The following PDCL3 variants were observed in gnomAD, a reference collection of about 807,000 sequenced individuals.
The protein encoded by PDCL3 is phosducin like 3.
A neutral mutation model predicts 26.5 loss-of-function variants in PDCL3; 22 were observed. That is an observed-to-expected ratio of 0.83 (90% CI 0.59 to 1.19). The LOEUF (loss-of-function observed/expected upper bound fraction) is 1.19. PDCL3 is among the 50% of genes most tolerant of loss of function. PDCL3 has a pLI of 0.00. For missense variants in PDCL3, 246 were observed against 294.1 expected (o/e 0.84, Z 1.20); for synonymous variants, 81 against 104.9 (o/e 0.77, Z 1.39).
At chr2:100,563,238 G>C (rs1201947114) in intron 1 of PDCL3, 165 bp downstream of exon 1, 1 of 843,222 alleles carries the variant, frequency 1.2e-6, no homozygotes, top group Admixed American at 3.8e-5. Context: ...GGAGGCGGGC[G>C]TGGTCCCACC....
intron 4 of PDCL3, among the ~76,000 whole-genome samples, chr2:100,570,027 A>T (rs938776693): frequency 6.6e-6 from 1 of 152,058 alleles, no homozygotes; most frequent in Non-Finnish European, 1.5e-5. Context: ...GGAGAATGGC[A>T]TGAACCCGGG....
intron 2 of PDCL3, among the ~76,000 whole-genome samples, chr2:100,567,651 G>A (rs1047915016): frequency 2.3e-4 from 35 of 152,084 alleles, no homozygotes; most frequent in Non-Finnish European, 3.2e-4. Flanking sequence ...TGACGTGAGC[G>A]AGTGAAATAT....
intron 2 of PDCL3, among the ~76,000 whole-genome samples, chr2:100,566,857 A>T (rs137856626): frequency 6.6e-6 from 1 of 152,340 alleles, no homozygotes; most frequent in African/African-American, 2.4e-5. Flanking sequence ...AGCACTGAAG[A>T]AAATACTTCT....
intron 2 of PDCL3, among the ~76,000 whole-genome samples, chr2:100,567,859 C>G (rs1355677714): frequency 7.3e-5 from 11 of 150,006 alleles, no homozygotes; most frequent in Non-Finnish European, 1.5e-4. Flanking sequence ...GTCTCGCTCT[C>G]TTACCCAGGC....
At position 100,563,057 on chromosome 2, in the gene PDCL3, C is replaced by T. The variant is rs774599754; in HGVS notation, c.-11C>T. The T allele has an allele frequency of 1.9e-6, 3 of 1,603,994 alleles. No individual in the cohort carries two copies. The highest frequency in any genetic ancestry group is 3.4e-4 in the Middle Eastern group (2 of 5,874). On this transcript the variant is annotated 5_prime_UTR_variant, in exon 1 of 6. Coordinates refer to ENST00000264254, the MANE Select transcript of PDCL3 (RefSeq NM_024065.5). ...GGCACAGCTGGTTTGAGCAACTGAACTGGAAACAAGATGCAGGTGAGCTAG... is the reference window on the plus strand; with the variant it reads ...GGCACAGCTGGTTTGAGCAACTGAATTGGAAACAAGATGCAGGTGAGCTAG...
intron 1 of PDCL3, among the ~76,000 whole-genome samples, chr2:100,565,177 A>G (rs1464261144): frequency 6.6e-6 from 1 of 152,018 alleles, no homozygotes; most frequent in Non-Finnish European, 1.5e-5. Context: ...TATACTGGCC[A>G]GTCTGGTCTT....
intron 1 of PDCL3, among the ~76,000 whole-genome samples, chr2:100,563,895 T>C (rs1164541017): frequency 6.7e-6 from 1 of 148,802 alleles, no homozygotes; most frequent in African/African-American, 2.5e-5. Context: ...GGAGGGCGTG[T>C]CTGCCAGGAG....
intron 1 of PDCL3, among the ~76,000 whole-genome samples, chr2:100,564,738 T>C (rs774998643): frequency 2.6e-5 from 4 of 152,184 alleles, no homozygotes; most frequent in African/African-American, 4.8e-5. Context: ...TGCCACACCA[T>C]GCAAACCGGT....
Position 100,576,700 on chromosome 2 carries a change from CTAAAAAAAAT to C in PDCL3, c.*210_*219del, listed in dbSNP as rs1558700325. On this transcript the variant is annotated 3_prime_UTR_variant, in exon 6 of 6. Transcript: ENST00000264254. ...TTTTTTTTAAATTATAGTATTTCCT[CTAAAAAAAAT>C]TAAAACCAGCCATTTGTATGGCAAA... 1 of 517,658 alleles carries C rather than the reference CTAAAAAAAAT, an allele frequency of 1.9e-6. No homozygotes were observed. The highest frequency in any genetic ancestry group is 2.9e-6 in the Non-Finnish European group (1 of 343,800). The allele number at this position is 517,658 out of a possible 1,614,324, so 32.1% of individuals were successfully genotyped here.
At chr2:100,568,653 G>A (rs970501963) in intron 2 of PDCL3, among the ~76,000 whole-genome samples, 2 of 151,984 alleles carry the variant, frequency 1.3e-5, no homozygotes, top group African/African-American at 4.8e-5. Context: ...GAAAATAAGC[G>A]GGGCAGGGTG....
chr2:100,564,585 C>G (rs539284771), intron 1 of PDCL3, among the ~76,000 whole-genome samples: 1 of 152,188 alleles, frequency 6.6e-6, no homozygotes, highest in Admixed American at 6.5e-5. Context: ...CATGAGCCAC[C>G]GCGCCCGGCC....
intron 1 of PDCL3, among the ~76,000 whole-genome samples, chr2:100,563,986 A>G (rs1675010182): frequency 6.7e-6 from 1 of 148,656 alleles, no homozygotes; most frequent in Admixed American, 6.7e-5. Context: ...GTCACAGCTC[A>G]CTGCAACCTC....
chr2:100,575,101 A>C (rs749190375), intron 5 of PDCL3, among the ~76,000 whole-genome samples: 4 of 152,320 alleles, frequency 2.6e-5, no homozygotes, highest in East Asian at 1.9e-4. Context: ...TGTCTCCAAA[A>C]AAGTAGATTA....
chr2:100,567,830 G>T (rs6755800), intron 2 of PDCL3, among the ~76,000 whole-genome samples: 93,184 of 143,724 alleles, frequency 0.65, 32,108 homozygotes, highest in East Asian at 1. Context: ...TCTCTTTTTT[G>T]TTTTTTTTTT....
rs775883007 is a variant in PDCL3 at position 100,563,108 on chromosome 2, G to A, written c.6+35G>A. 35 of 1,590,880 alleles carry A rather than the reference G, an allele frequency of 2.2e-5. No individual in the cohort carries two copies. In the East Asian group the frequency reaches 6.4e-4, roughly 29 times the overall value. On this transcript the variant is annotated intron_variant, in intron 1 of 5. Transcript: ENST00000264254. ...GACGGGTCTCGGGTCTGGGGGCTGC[G>A]GCCCGTTCCTTTGTCTCGTTAGGCC...
chr2:100,563,663 T>C (rs1675001621), intron 1 of PDCL3, among the ~76,000 whole-genome samples: 1 of 151,950 alleles, frequency 6.6e-6, no homozygotes, highest in African/African-American at 2.4e-5. Context: ...TAAATTATTT[T>C]TCTGTAGCTG....
intron 5 of PDCL3, among the ~76,000 whole-genome samples, chr2:100,573,296 A>C (rs1180342530): frequency 6.6e-6 from 1 of 152,162 alleles, no homozygotes; most frequent in African/African-American, 2.4e-5. Flanking sequence ...GAAACTCTTT[A>C]TCTCTTTATT....
intron 2 of PDCL3, among the ~76,000 whole-genome samples, chr2:100,567,442 A>C (rs1418377462): frequency 6.6e-6 from 1 of 152,194 alleles, no homozygotes; most frequent in Admixed American, 6.5e-5. Flanking sequence ...ATAAGGCAGT[A>C]AAAGGGACTA....
chr2:100,572,123 T>G lies in PDCL3; in HGVS notation c.577+325T>G, dbSNP rs537030341. On this transcript the variant is annotated intron_variant, in intron 5 of 5. Transcript: ENST00000264254. ...ACATTCACTTTTGCTTTAATTCACA[T>G]GAACACAGGGAGACGTTAATGTATG... is the stretch of plus-strand genomic sequence containing the variant. 5.8e-4 allele frequency: 185 copies of G among 318,922 alleles called. 1 individual carries two copies. In the South Asian group the frequency reaches 6.6e-3, roughly 11 times the overall value. The allele number at this position is 318,922 out of a possible 1,614,324, so 19.8% of individuals were successfully genotyped here.
Sources: allele counts gnomAD v4.1 joint callset (sites outside exome capture counted in the v4.1 genomes callset), GRCh38; gene constraint gnomAD v4.1.1; transcripts MANE v1.5; gene names NCBI Gene and HGNC (gene_info 2026-07-23, HGNC 2026-07-21).